Variants in PLPPR1 observed in about 807,000 individuals in gnomAD.
PLPPR1 encodes phospholipid phosphatase-related protein type 1.
In PLPPR1, 10 loss-of-function variants were observed where a neutral mutation model predicts 33.1. The observed-to-expected ratio is 0.30, with a 90% confidence interval of 0.19 to 0.51. PLPPR1 has a LOEUF of 0.51. Ranked by LOEUF, PLPPR1 falls within the 20% of genes least tolerant of loss-of-function variation. PLPPR1 has a pLI of 0.97. For missense variants in PLPPR1, 304 were observed against 408.1 expected, an observed-to-expected ratio of 0.74 and a Z score of 2.20; for synonymous variants, 151 against 151.0, an observed-to-expected ratio of 1.00 and a Z score of 0.00.
At chr9:101,194,261 A>C (rs570229858) in intron 2 of PLPPR1, among the ~76,000 whole-genome samples, 1 of 152,346 alleles carries the variant, frequency 6.6e-6, no homozygotes, top group South Asian at 2.1e-4. Context: ...TAACATTTTG[A>C]CATTATTTAG....
chr9:101,236,947 T>G (rs1448470535), intron 2 of PLPPR1, among the ~76,000 whole-genome samples: 18 of 151,606 alleles, frequency 1.2e-4, no homozygotes, highest in African/African-American at 3.9e-4. Context: ...TCTGACAAAG[T>G]GTTAATATCC....
rs145981179 is a variant in PLPPR1 at position 101,319,262 on chromosome 9, C to T, written c.945+1766C>T. ...CACAATCTCGGCTCACTGCAGCCTC[C>T]GCCTCCGGGGTTCAAGCAATTCTCT... On this transcript the variant is annotated intron_variant, in intron 7 of 7. Transcript: ENST00000374874. Among the ~76,000 whole-genome samples the T allele has an allele frequency of 2.7e-3, 412 of 152,290 alleles. 2 individuals are homozygous for T. The highest frequency in any genetic ancestry group is 9.0e-3 in the African/African-American group (374 of 41,540).
intron 1 of PLPPR1, among the ~76,000 whole-genome samples, chr9:101,153,449 G>T (rs556283379): frequency 2.0e-5 from 3 of 152,296 alleles, no homozygotes; most frequent in African/African-American, 7.2e-5. Context: ...AGTGGTGAGA[G>T]AGGGCATCCC....
intron 1 of PLPPR1, among the ~76,000 whole-genome samples, chr9:101,135,365 G>A (rs2987753): frequency 0.47 from 71,508 of 151,942 alleles, 17,287 homozygotes; most frequent in Non-Finnish European, 0.53. Flanking sequence ...TTGATTCCCA[G>A]GCAACGTGTT....
chr9:101,205,017 G>A (rs1191695807), intron 2 of PLPPR1, among the ~76,000 whole-genome samples: 1 of 152,056 alleles, frequency 6.6e-6, no homozygotes, highest in Non-Finnish European at 1.5e-5. Flanking sequence ...ACCCTTTAAG[G>A]TACTCATGTC....
rs185382619 is a variant in PLPPR1, at chr9:101,088,816, C to A, written c.-46+59714C>A. Among the ~76,000 whole-genome samples, 8 of 152,250 alleles carry A rather than the reference C, an allele frequency of 5.3e-5. No individual in the cohort carries two copies. In the East Asian group the frequency reaches 1.3e-3, roughly 26 times the overall value. On this transcript the variant is annotated intron_variant, in intron 1 of 7. Coordinates refer to ENST00000374874, the MANE Select transcript of PLPPR1 (RefSeq NM_207299.2). ...TCTTATAGTAATCACTTTTAACCTG[C>A]TTAGCCTTTTATTATTCCATGTCTA...
At chr9:101,234,560 A>G (rs1417244156) in intron 2 of PLPPR1, among the ~76,000 whole-genome samples, 3 of 151,818 alleles carry the variant, frequency 2.0e-5, no homozygotes, top group African/African-American at 7.3e-5. Flanking sequence ...TAAAAAAAAA[A>G]CAAACAAAAA....
At chr9:101,032,786 A>G (rs1307511350) in intron 1 of PLPPR1, among the ~76,000 whole-genome samples, 2 of 152,004 alleles carry the variant, frequency 1.3e-5, no homozygotes, top group Non-Finnish European at 2.9e-5. Flanking sequence ...CAAAAAACAT[A>G]TTTTCTCAGC....
intron 2 of PLPPR1, among the ~76,000 whole-genome samples, chr9:101,191,364 AAG>A (rs1432154223): frequency 1.3e-5 from 2 of 152,200 alleles, no homozygotes; most frequent in African/African-American, 2.4e-5. Flanking sequence ...AAAAATTAAA[AAG>A]AGATAAAATT....
At chr9:101,188,536 G>A (rs1161612165) in intron 2 of PLPPR1, among the ~76,000 whole-genome samples, 6 of 151,916 alleles carry the variant, frequency 3.9e-5, no homozygotes, top group East Asian at 1.9e-4. Context: ...CCCCTGTAAC[G>A]TTGGATAGAG....
chr9:101,117,138 C>T (rs1831126886), intron 1 of PLPPR1, among the ~76,000 whole-genome samples: 1 of 152,104 alleles, frequency 6.6e-6, no homozygotes, highest in Non-Finnish European at 1.5e-5. Flanking sequence ...ACCAGAGTGA[C>T]TTTATCATGT....
chr9:101,305,218 T>TGC (rs1491549180), intron 4 of PLPPR1, among the ~76,000 whole-genome samples: 19 of 151,298 alleles, frequency 1.3e-4, no homozygotes, highest in Non-Finnish European at 2.7e-4. Context: ...TGTGTGTGTG[T>TGC]GCGTGCATGT....
chr9:101,311,499 G>A (rs564476582), intron 5 of PLPPR1, among the ~76,000 whole-genome samples: 16 of 152,142 alleles, frequency 1.1e-4, no homozygotes, highest in Non-Finnish European at 1.9e-4. Flanking sequence ...TTATAGGAAA[G>A]ATTTATGACA....
intron 1 of PLPPR1, among the ~76,000 whole-genome samples, chr9:101,096,579 A>G (rs572824778): frequency 1.3e-5 from 2 of 152,344 alleles, no homozygotes; most frequent in Admixed American, 1.3e-4. Flanking sequence ...ATCAAAGTGA[A>G]TAGTTTAACA....
chr9:101,277,757 C>G (rs1828224701), intron 3 of PLPPR1, among the ~76,000 whole-genome samples: 1 of 152,164 alleles, frequency 6.6e-6, no homozygotes, highest in Non-Finnish European at 1.5e-5. Flanking sequence ...ACTATATTTC[C>G]TTACTCCAGG....
intron 1 of PLPPR1, among the ~76,000 whole-genome samples, chr9:101,099,333 G>T (rs943533751): frequency 1.3e-5 from 2 of 152,084 alleles, no homozygotes; most frequent in Non-Finnish European, 2.9e-5. Context: ...CCTGTGATGA[G>T]CCACTTGGTA....
chr9:101,197,835 T>C (rs1164991555), intron 2 of PLPPR1, among the ~76,000 whole-genome samples: 2 of 152,264 alleles, frequency 1.3e-5, no homozygotes, highest in Non-Finnish European at 2.9e-5. Context: ...TTATGTCTTC[T>C]GCAATTTGAA....
intron 2 of PLPPR1, among the ~76,000 whole-genome samples, chr9:101,243,560 T>C (rs1827522786): frequency 6.6e-6 from 1 of 151,946 alleles, no homozygotes; most frequent in South Asian, 2.1e-4. Context: ...GTATAGATAG[T>C]TGTCTAATTT....
intron 1 of PLPPR1, among the ~76,000 whole-genome samples, chr9:101,071,689 A>G (rs1221861950): frequency 6.6e-6 from 1 of 152,138 alleles, no homozygotes; most frequent in Non-Finnish European, 1.5e-5. Context: ...GCTTTCTGGT[A>G]ATGATAGCAT....
Sources: allele counts gnomAD v4.1 joint callset (sites outside exome capture counted in the v4.1 genomes callset), GRCh38; gene constraint gnomAD v4.1.1; transcripts MANE v1.5; gene names NCBI Gene and HGNC (gene_info 2026-07-23, HGNC 2026-07-21).